The following PRKCE variants were observed in gnomAD, a reference collection of about 807,000 sequenced individuals.
PRKCE encodes the protein protein kinase C epsilon.
A neutral mutation model predicts 85.4 loss-of-function variants in PRKCE; 16 were observed. That is an observed-to-expected ratio of 0.19 (90% CI 0.13 to 0.28). The LOEUF is 0.28. PRKCE is among the 10% of genes least tolerant of loss of function. The probability of loss-of-function intolerance (pLI) is 1.00; values close to 1 mark genes in which losing one functional copy is unlikely to be tolerated. For missense variants in PRKCE, 573 were observed against 975.2 expected, an observed-to-expected ratio of 0.59 and a Z score of 5.49; for synonymous variants, 388 against 371.5, an observed-to-expected ratio of 1.04 and a Z score of -0.51.
At chr2:45,933,916 A>G (rs1014610695) in intron 2 of PRKCE, among the ~76,000 whole-genome samples, 5 of 152,196 alleles carry the variant, frequency 3.3e-5, no homozygotes, top group African/African-American at 7.2e-5. Context: ...GGAAGCAAAC[A>G]TAAGTGCAGG....
At chr2:45,785,851 C>T (rs1439189751) in intron 1 of PRKCE, among the ~76,000 whole-genome samples, 1 of 152,180 alleles carries the variant, frequency 6.6e-6, no homozygotes, top group Non-Finnish European at 1.5e-5. Context: ...ACCAGGAGGC[C>T]AAACTCGAAC....
chr2:45,872,563 C>G (rs1474972119), intron 2 of PRKCE, among the ~76,000 whole-genome samples: 4 of 152,130 alleles, frequency 2.6e-5, no homozygotes, highest in African/African-American at 9.7e-5. Context: ...TGCCATGATC[C>G]AGGCCAGTGA....
At chr2:45,896,844 G>C (rs991596707) in intron 2 of PRKCE, among the ~76,000 whole-genome samples, 1 of 152,196 alleles carries the variant, frequency 6.6e-6, no homozygotes. Context: ...AATGCTTTGG[G>C]AGGCTGAGAT....
intron 10 of PRKCE, among the ~76,000 whole-genome samples, chr2:46,040,994 C>T (rs938746742): frequency 6.6e-6 from 1 of 152,330 alleles, no homozygotes; most frequent in African/African-American, 2.4e-5. Flanking sequence ...AATCAGGGCA[C>T]GGTTTATATT....
intron 1 of PRKCE, among the ~76,000 whole-genome samples, chr2:45,733,310 A>G (rs1298211906): frequency 6.6e-6 from 1 of 152,304 alleles, no homozygotes; most frequent in East Asian, 1.9e-4. Flanking sequence ...CATTCATTCA[A>G]CAAGAATTTG....
intron 2 of PRKCE, among the ~76,000 whole-genome samples, chr2:45,847,744 G>A (rs560756944): frequency 4.7e-4 from 72 of 152,260 alleles, no homozygotes; most frequent in Non-Finnish European, 8.8e-4. Flanking sequence ...CCCCTGGTTC[G>A]ATCTTTTTAT....
Position 45,922,610 on chromosome 2 carries a change from C to G in PRKCE, c.413-53819C>G, listed in dbSNP as rs77239074. ...CCCCAGGCTGTCTCCACCCCAAGCCCATGTGGGCCCAATCTCTGCCCAGCA... is the reference window on the plus strand; with the variant it reads ...CCCCAGGCTGTCTCCACCCCAAGCCGATGTGGGCCCAATCTCTGCCCAGCA... On this transcript the variant is annotated intron_variant, in intron 2 of 14. Coordinates refer to ENST00000306156, the MANE Select transcript of PRKCE (RefSeq NM_005400.3). Among the ~76,000 whole-genome samples, 803 of 152,328 alleles carry G rather than the reference C, an allele frequency of 5.3e-3. 3 individuals are homozygous for G. Among genetic ancestry groups the G allele is most frequent in the Non-Finnish European group, 8.8e-3 (602 of 68,036 alleles).
intron 2 of PRKCE, among the ~76,000 whole-genome samples, chr2:45,941,036 A>C (rs919305123): frequency 7.2e-6 from 1 of 139,812 alleles, no homozygotes; most frequent in Admixed American, 7.9e-5. Context: ...ACTGCACTCC[A>C]GCCTGGGTGA....
At chr2:45,663,337 A>G (rs760662223) in intron 1 of PRKCE, among the ~76,000 whole-genome samples, 1 of 152,234 alleles carries the variant, frequency 6.6e-6, no homozygotes, top group Non-Finnish European at 1.5e-5. Flanking sequence ...ACCCTTTTAT[A>G]AAACAGTGAA....
chr2:45,670,591 A>C (rs1416227746), intron 1 of PRKCE, among the ~76,000 whole-genome samples: 1 of 152,246 alleles, frequency 6.6e-6, no homozygotes, highest in Admixed American at 6.5e-5. Context: ...TTGCCCCAGA[A>C]CACAGTTTCT....
chr2:46,097,461 A>C (rs1216922707), intron 11 of PRKCE, among the ~76,000 whole-genome samples: 1 of 149,844 alleles, frequency 6.7e-6, no homozygotes, highest in Non-Finnish European at 1.5e-5. Context: ...CGGAGCTTGC[A>C]GTGAGCCGAG....
intron 11 of PRKCE, among the ~76,000 whole-genome samples, chr2:46,115,358 A>AACAT: frequency 6.6e-6 from 1 of 152,302 alleles, no homozygotes; most frequent in Non-Finnish European, 1.5e-5. Flanking sequence ...CTAAAAACCT[A>AACAT]ACATTTTTTT....
chr2:45,906,694 GT>G (rs1697002591), intron 2 of PRKCE, among the ~76,000 whole-genome samples: 1 of 152,180 alleles, frequency 6.6e-6, no homozygotes, highest in Admixed American at 6.5e-5. Flanking sequence ...TGTGCTCTGT[GT>G]GGGAGGCAGC....
At chr2:46,036,110 G>A (rs1045821363) in intron 10 of PRKCE, among the ~76,000 whole-genome samples, 3 of 152,196 alleles carry the variant, frequency 2.0e-5, no homozygotes, top group Non-Finnish European at 4.4e-5. Flanking sequence ...GGGGAGGAGT[G>A]TCCCTGGCAG....
chr2:46,104,179 G>A (rs562685641), intron 11 of PRKCE, among the ~76,000 whole-genome samples: 1 of 151,928 alleles, frequency 6.6e-6, no homozygotes, highest in African/African-American at 2.4e-5. Flanking sequence ...TCATCATCTG[G>A]CATTGCTTTG....
intron 10 of PRKCE, among the ~76,000 whole-genome samples, chr2:46,071,878 C>T (rs1206325707): frequency 1.3e-5 from 2 of 152,204 alleles, no homozygotes; most frequent in Non-Finnish European, 2.9e-5. Flanking sequence ...AGATTAAACA[C>T]AGGCTGCTTT....
At chr2:45,743,220 T>G (rs1682726751) in intron 1 of PRKCE, among the ~76,000 whole-genome samples, 1 of 152,068 alleles carries the variant, frequency 6.6e-6, no homozygotes, top group Non-Finnish European at 1.5e-5. Context: ...TTAATAATAA[T>G]GTGTTGTATT....
chr2:45,950,022 G>A (rs910468903), intron 2 of PRKCE, among the ~76,000 whole-genome samples: 5 of 151,992 alleles, frequency 3.3e-5, no homozygotes, highest in Admixed American at 6.6e-5. Context: ...TAGGATTTAA[G>A]TTGAAAATGC....
At position 46,183,226 on chromosome 2, in the gene PRKCE, G is replaced by A. The variant is rs556884951; in HGVS notation, c.2068-1509G>A. Reference sequence around the variant, plus strand: ...TTTGAGGAAGGCTAGCCTAAACAAAGCAAACTAGATTTCCTCACTCTAGAA... The same window carrying A: ...TTTGAGGAAGGCTAGCCTAAACAAAACAAACTAGATTTCCTCACTCTAGAA... On this transcript the variant is annotated intron_variant, in intron 14 of 14. Coordinates refer to ENST00000306156, the MANE Select transcript of PRKCE (RefSeq NM_005400.3). Among the ~76,000 whole-genome samples, 6 of 152,288 alleles carry A rather than the reference G, an allele frequency of 3.9e-5. No individual in the cohort carries two copies. The South Asian group carries it at 1.2e-3, about 32-fold the overall frequency.
Sources: gnomAD v4.1 joint callset for allele counts (sites outside exome capture counted in the v4.1 genomes callset) on GRCh38, gnomAD v4.1.1 for gene constraint, MANE v1.5 for transcripts, NCBI Gene and HGNC (gene_info 2026-07-23, HGNC 2026-07-21) for gene names.